The following MIPOL1 variants were observed in gnomAD, a reference collection of about 807,000 sequenced individuals.
MIPOL1 encodes mirror-image polydactyly 1, also known as mirror-image polydactyly gene 1 protein.
A neutral mutation model predicts 60.9 loss-of-function variants in MIPOL1; 57 were observed. The ratio of observed to expected loss-of-function variants is 0.94; its 90% CI spans 0.76 to 1.17. The LOEUF is 1.17. MIPOL1 is among the 50% of genes most tolerant of loss of function. MIPOL1 has a pLI of 0.00. For missense variants in MIPOL1, 551 were observed against 511.6 expected, an observed-to-expected ratio of 1.08 and a Z score of -0.74; for synonymous variants, 179 against 168.8, an observed-to-expected ratio of 1.06 and a Z score of -0.47.
intron 1 of MIPOL1, among the ~76,000 whole-genome samples, chr14:37,228,820 A>C (rs1219292125): frequency 6.6e-6 from 1 of 152,218 alleles, no homozygotes; most frequent in Non-Finnish European, 1.5e-5. Context: ...GGCCAGGCAC[A>C]GTGGCTCATA....
intron 1 of MIPOL1, among the ~76,000 whole-genome samples, chr14:37,225,449 C>G (rs902173105): frequency 6.6e-6 from 1 of 152,244 alleles, no homozygotes; most frequent in African/African-American, 2.4e-5. Flanking sequence ...CTTCTATGCA[C>G]TTGCAGGCTC....
chr14:37,513,835 T>C (rs746894635), intron 12 of MIPOL1, among the ~76,000 whole-genome samples: 11 of 152,100 alleles, frequency 7.2e-5, no homozygotes, highest in Non-Finnish European at 1.6e-4. Context: ...TTCTGCATAC[T>C]CAGATAGATA....
chr14:37,271,389 T>C (rs1287518057), intron 6 of MIPOL1, among the ~76,000 whole-genome samples: 1 of 152,052 alleles, frequency 6.6e-6, no homozygotes, highest in Non-Finnish European at 1.5e-5. Flanking sequence ...GTCATAATCA[T>C]GCTTTACAAG....
chr14:37,445,789 C>CT (rs1268809091), intron 11 of MIPOL1, among the ~76,000 whole-genome samples: 9 of 152,212 alleles, frequency 5.9e-5, no homozygotes, highest in East Asian at 1.9e-4. Context: ...ACTGTCTGAT[C>CT]TTTGACAAAC....
At chr14:37,248,661 CAG>C (rs1050546892) in intron 3 of MIPOL1, among the ~76,000 whole-genome samples, 1 of 151,670 alleles carries the variant, frequency 6.6e-6, no homozygotes, top group African/African-American at 2.4e-5. Flanking sequence ...TCTCCTCACA[CAG>C]AGAGAGAAAT....
intron 9 of MIPOL1, among the ~76,000 whole-genome samples, chr14:37,337,344 A>G (rs1453383631): frequency 1.4e-3 from 35 of 24,212 alleles, no homozygotes; most frequent in African/African-American, 6.2e-3. Flanking sequence ...ATATATATAT[A>G]TATATATATA....
intron 11 of MIPOL1, among the ~76,000 whole-genome samples, chr14:37,425,951 C>T (rs2093953384): frequency 6.6e-6 from 1 of 152,166 alleles, no homozygotes; most frequent in Non-Finnish European, 1.5e-5. Context: ...GGTAAAGAAG[C>T]ATAGCAATTT....
At chr14:37,496,981 C>T (rs571035756) in intron 11 of MIPOL1, among the ~76,000 whole-genome samples, 1 of 151,476 alleles carries the variant, frequency 6.6e-6, no homozygotes, top group South Asian at 2.1e-4. Flanking sequence ...AGAACAGAGC[C>T]CTCAGAAATA....
rs566221783 is a variant in MIPOL1 at position 37,200,547 on chromosome 14, G to C, written c.-199+2443G>C. 2.0e-4 allele frequency among the ~76,000 whole-genome samples: 30 copies of C among 152,086 alleles called. No individual in the cohort carries two copies. The South Asian group carries it at 5.8e-3, about 29-fold the overall frequency. ...GTCTCTAGTTAGAAGTTGTTTGGTGGTTTCTGATTGATTAAACTCAAGTTT... is the reference window on the plus strand; with the variant it reads ...GTCTCTAGTTAGAAGTTGTTTGGTGCTTTCTGATTGATTAAACTCAAGTTT... On this transcript the variant is annotated intron_variant, in intron 1 of 12. Coordinates refer to ENST00000684589, the MANE Select transcript of MIPOL1 (RefSeq NM_001388067.1).
chr14:37,277,238 C>T (rs1319486063), intron 6 of MIPOL1: 2 of 151,160 alleles, frequency 1.3e-5, no homozygotes, highest in Non-Finnish European at 3.0e-5. Context: ...GACTTTTTCA[C>T]ACGTCTAATG....
chr14:37,386,192 T>C (rs886157133), intron 10 of MIPOL1, among the ~76,000 whole-genome samples: 4 of 152,078 alleles, frequency 2.6e-5, no homozygotes, highest in Non-Finnish European at 5.9e-5. Flanking sequence ...AAATATTATA[T>C]AAACTTTATT....
At chr14:37,409,908 C>A (rs1453895276) in intron 10 of MIPOL1, among the ~76,000 whole-genome samples, 1 of 152,098 alleles carries the variant, frequency 6.6e-6, no homozygotes, top group East Asian at 1.9e-4. Context: ...TGAGATGGTT[C>A]AACAAGCATT....
In MIPOL1 at chr14:37,350,369, G is replaced by A. The variant is rs1595307071; in HGVS notation, c.829-19148G>A. 2.0e-5 allele frequency among the ~76,000 whole-genome samples: 3 copies of A among 152,174 alleles called. No individual in the cohort carries two copies. In the South Asian group the frequency reaches 6.2e-4, roughly 32 times the overall value. ...TGGGGTTACAGGCATGTGCCACTGT[G>A]CCCAGCCCATTCTGCTTTTTCTTTT... On this transcript the variant is annotated intron_variant, in intron 9 of 12. Coordinates refer to ENST00000684589, the MANE Select transcript of MIPOL1 (RefSeq NM_001388067.1).
chr14:37,351,919 T>G (rs1365401284), intron 9 of MIPOL1, among the ~76,000 whole-genome samples: 1 of 151,466 alleles, frequency 6.6e-6, no homozygotes. Context: ...TTAGATCCCA[T>G]TTGTCAATTT....
chr14:37,258,900 GAA>G (rs369533340), intron 3 of MIPOL1, among the ~76,000 whole-genome samples: 2 of 145,766 alleles, frequency 1.4e-5, no homozygotes, highest in Admixed American at 1.4e-4. Flanking sequence ...TGTTTTATCT[GAA>G]AAAAAAAAGA....
chr14:37,453,547 T>C lies in MIPOL1; in HGVS notation c.1031+30598T>C, dbSNP rs542091194. Among the ~76,000 whole-genome samples, 4 of 152,246 alleles carry C rather than the reference T, an allele frequency of 2.6e-5. No individual in the cohort carries two copies. The East Asian group carries it at 5.8e-4, about 22-fold the overall frequency. On this transcript the variant is annotated intron_variant, in intron 11 of 12. Transcript: ENST00000684589. Reference sequence around the variant, plus strand: ...CCTTTACCTGCTTGACTCTGAGTAATTATTTGACCTGTTTAGCTCCATTTT... The same window carrying C: ...CCTTTACCTGCTTGACTCTGAGTAACTATTTGACCTGTTTAGCTCCATTTT...
intron 1 of MIPOL1, among the ~76,000 whole-genome samples, chr14:37,199,856 T>C (rs1964945724): frequency 6.6e-6 from 1 of 152,212 alleles, no homozygotes; most frequent in Non-Finnish European, 1.5e-5. Flanking sequence ...ATATGCCTAC[T>C]AGAAAATTAC....
chr14:37,550,272 C>T lies in MIPOL1; in HGVS notation c.*3301C>T, dbSNP rs993175950. On this transcript the variant is annotated 3_prime_UTR_variant, in exon 13 of 13. Transcript: ENST00000684589. ...ATACTTTTAATATTGAATATAGTTTCGTAGAAAAACATTTTATATGTACTA... is the reference window on the plus strand; with the variant it reads ...ATACTTTTAATATTGAATATAGTTTTGTAGAAAAACATTTTATATGTACTA... 6 of 150,598 alleles carry T rather than the reference C, an allele frequency of 4.0e-5. No individual in the cohort carries two copies. Among genetic ancestry groups the T allele is most frequent in the South Asian group, 2.1e-4 (1 of 4,810 alleles). 9.3% of individuals were successfully genotyped at this position (150,598 alleles called of 1,614,324 possible).
chr14:37,442,449 G>A (rs144156642), intron 11 of MIPOL1, among the ~76,000 whole-genome samples: 110 of 152,184 alleles, frequency 7.2e-4, no homozygotes, highest in African/African-American at 2.5e-3. Context: ...TGTTGTTCCA[G>A]TTTTCAAGGG....
Sources: allele counts gnomAD v4.1 joint callset (sites outside exome capture counted in the v4.1 genomes callset), GRCh38; gene constraint gnomAD v4.1.1; transcripts MANE v1.5; gene names NCBI Gene and HGNC (gene_info 2026-07-23, HGNC 2026-07-21).